The following SLC22A3 variants were observed in gnomAD, a reference collection of about 807,000 sequenced individuals.
The protein encoded by SLC22A3 is EMT organic cation transporter 3.
Under a neutral mutation model 59.1 loss-of-function variants are expected in SLC22A3, and 51 were observed. That is an observed-to-expected ratio of 0.86 (90% CI 0.69 to 1.09). The LOEUF is 1.09. Among genes scored for constraint, SLC22A3 ranks in the 50% least tolerant of loss-of-function variants. SLC22A3 has a pLI of 0.00. For synonymous variants in SLC22A3, 325 were observed against 292.0 expected, an observed-to-expected ratio of 1.11 and a Z score of -1.15; for missense variants, 711 against 726.3, an observed-to-expected ratio of 0.98 and a Z score of 0.24.
intron 1 of SLC22A3, 67 bp from the exon 2 acceptor site, chr6:160,397,912 A>G (rs1786566871): frequency 1.6e-6 from 2 of 1,214,228 alleles, no homozygotes; most frequent in African/African-American, 1.5e-5. Flanking sequence ...GATCTATACA[A>G]AAGATAAGGT....
intron 2 of SLC22A3, among the ~76,000 whole-genome samples, chr6:160,402,056 GAT>G: frequency 6.6e-6 from 1 of 151,896 alleles, no homozygotes; most frequent in East Asian, 1.9e-4. Context: ...TTAAATGTAA[GAT>G]GGTCTAAATG....
At chr6:160,405,365 A>G (rs1039908651) in intron 2 of SLC22A3, among the ~76,000 whole-genome samples, 2 of 152,116 alleles carry the variant, frequency 1.3e-5, no homozygotes, top group African/African-American at 4.8e-5. Context: ...ATACCACTAC[A>G]TATCTATTAG....
At chr6:160,373,380 C>A (rs1478845617) in intron 1 of SLC22A3, among the ~76,000 whole-genome samples, 1 of 152,168 alleles carries the variant, frequency 6.6e-6, no homozygotes, top group Non-Finnish European at 1.5e-5. Flanking sequence ...CCTCTGGAAG[C>A]TTTGTCTCAG....
intron 8 of SLC22A3, among the ~76,000 whole-genome samples, chr6:160,443,098 T>TA (rs1421149050): frequency 6.6e-6 from 1 of 152,254 alleles, no homozygotes; most frequent in Non-Finnish European, 1.5e-5. Context: ...CACACACTGT[T>TA]ACGGTTTTGA....
chr6:160,413,101 T>C (rs1787323746), intron 5 of SLC22A3, among the ~76,000 whole-genome samples: 1 of 152,208 alleles, frequency 6.6e-6, no homozygotes, highest in African/African-American at 2.4e-5. Context: ...TGTGTGCTGG[T>C]AGCTTGTGAA....
chr6:160,359,844 T>C (rs1784956836), intron 1 of SLC22A3, among the ~76,000 whole-genome samples: 1 of 149,956 alleles, frequency 6.7e-6, no homozygotes, highest in South Asian at 2.1e-4. Flanking sequence ...TTTTTTTATA[T>C]GTGAAGATTT....
intron 1 of SLC22A3, among the ~76,000 whole-genome samples, chr6:160,386,075 C>G (rs1785996723): frequency 6.6e-6 from 1 of 152,216 alleles, no homozygotes; most frequent in Non-Finnish European, 1.5e-5. Context: ...GTGGCTTTTT[C>G]CACCTGCACC....
chr6:160,352,303 T>C (rs1417091682), intron 1 of SLC22A3, among the ~76,000 whole-genome samples: 2 of 152,246 alleles, frequency 1.3e-5, no homozygotes, highest in African/African-American at 4.8e-5. Context: ...AGGCAGTGGA[T>C]TTATCACCCA....
At chr6:160,440,440 C>G (rs1226072887) in intron 7 of SLC22A3, among the ~76,000 whole-genome samples, 1 of 152,166 alleles carries the variant, frequency 6.6e-6, no homozygotes, top group South Asian at 2.1e-4. Flanking sequence ...GTCCTGCATC[C>G]TTTCTTCAGG....
intron 5 of SLC22A3, chr6:160,426,405 G>C (rs1467593607): frequency 1.1e-6 from 1 of 946,040 alleles, no homozygotes; most frequent in East Asian, 1.2e-4. Flanking sequence ...TCATTGGGCT[G>C]TGCAACACTC....
intron 2 of SLC22A3, among the ~76,000 whole-genome samples, chr6:160,404,884 G>T (rs1449270771): frequency 3.6e-5 from 5 of 138,146 alleles, no homozygotes; most frequent in African/African-American, 1.3e-4. Context: ...AAAAAAAAAT[G>T]AATCTAGACA....
In SLC22A3 at chr6:160,398,093, A is replaced by G. The variant is rs1309335778; in HGVS notation, c.533+11A>G. The G allele has an allele frequency of 3.2e-6, 5 of 1,582,150 alleles. No individual in the cohort carries two copies. Among genetic ancestry groups the G allele is most frequent in the Non-Finnish European group, 4.3e-6 (5 of 1,151,092 alleles). ...CTATGCAGCAGACAGGTAGGTACCA[A>G]TGTGACAGCCATTTTATGTCACTAT... is the stretch of plus-strand genomic sequence containing the variant. On this transcript the variant is annotated intron_variant, in intron 2 of 10. Transcript: ENST00000275300.
chr6:160,413,711 C>G (rs1031650327), intron 5 of SLC22A3, among the ~76,000 whole-genome samples: 1 of 152,206 alleles, frequency 6.6e-6, no homozygotes, highest in African/African-American at 2.4e-5. Flanking sequence ...ACTGATCCCT[C>G]TTGTGGGAGC....
intron 1 of SLC22A3, among the ~76,000 whole-genome samples, chr6:160,359,939 G>C (rs1236158591): frequency 6.6e-6 from 1 of 152,140 alleles, no homozygotes; most frequent in Admixed American, 6.5e-5. Context: ...CATTGGTACA[G>C]CATGACCTTT....
chr6:160,350,015 G>A (rs138620707), intron 1 of SLC22A3, among the ~76,000 whole-genome samples: 1 of 152,194 alleles, frequency 6.6e-6, no homozygotes, highest in African/African-American at 2.4e-5. Context: ...TGGGAGTGTC[G>A]GTGGTTGCAA....
At chr6:160,445,335 A>C (rs1461220746) in intron 9 of SLC22A3, among the ~76,000 whole-genome samples, 1 of 152,140 alleles carries the variant, frequency 6.6e-6, no homozygotes, top group Non-Finnish European at 1.5e-5. Context: ...GATGGAGTGC[A>C]GTTGTGAGCT....
intron 1 of SLC22A3, among the ~76,000 whole-genome samples, chr6:160,375,170 G>A (rs1386437375): frequency 6.6e-6 from 1 of 152,126 alleles, no homozygotes; most frequent in African/African-American, 2.4e-5. Context: ...TGAAAGAAAT[G>A]GAAGGAATCA....
At chr6:160,436,448 A>G (rs954415981) in intron 5 of SLC22A3, among the ~76,000 whole-genome samples, 5 of 152,154 alleles carry the variant, frequency 3.3e-5, no homozygotes, top group African/African-American at 1.2e-4. Flanking sequence ...AGAAACCCTT[A>G]ATTGGTTGGA....
chr6:160,417,450 G>T (rs1787546482), intron 5 of SLC22A3, among the ~76,000 whole-genome samples: 1 of 152,132 alleles, frequency 6.6e-6, no homozygotes, highest in Non-Finnish European at 1.5e-5. Flanking sequence ...GAGATTTGGG[G>T]GTATCTGTTC....
Sources: allele counts gnomAD v4.1 joint callset (sites outside exome capture counted in the v4.1 genomes callset), GRCh38; gene constraint gnomAD v4.1.1; transcripts MANE v1.5; gene names NCBI Gene and HGNC (gene_info 2026-07-23, HGNC 2026-07-21).